PAX2: variants seen among roughly 807,000 people sequenced by gnomAD.
PAX2 encodes paired box 2, also known as paired box protein Pax-2.
Under a neutral mutation model 41.7 loss-of-function variants are expected in PAX2, and 9 were observed. That is an observed-to-expected ratio of 0.22 (90% CI 0.13 to 0.38). The LOEUF (loss-of-function observed/expected upper bound fraction) is 0.38. Ranked by LOEUF, PAX2 falls within the 10% of genes least tolerant of loss-of-function variation. The probability of loss-of-function intolerance (pLI) is 1.00; values close to 1 mark genes in which losing one functional copy is unlikely to be tolerated. For synonymous variants in PAX2, 221 were observed against 212.7 expected, an observed-to-expected ratio of 1.04 and a Z score of -0.34; for missense variants, 418 against 531.6, an observed-to-expected ratio of 0.79 and a Z score of 2.10.
intron 5 of PAX2, among the ~76,000 whole-genome samples, chr10:100,793,918 C>A (rs1249866921): frequency 6.6e-6 from 1 of 152,154 alleles, no homozygotes; most frequent in Admixed American, 6.5e-5. Context: ...AAGGCTGTTG[C>A]ACTCAGACAA....
At position 100,748,528 on chromosome 10, in the gene PAX2, C is replaced by G; in HGVS notation, c.44-1218C>G. On this transcript the variant is annotated intron_variant, in intron 1 of 9. Coordinates refer to ENST00000355243, the MANE Select transcript of PAX2 (RefSeq NM_000278.5). The surrounding 1 kb of genome is among the most constrained non-coding windows in gnomAD (Gnocchi z 5.0). ...GGGGCAGGGGCTGCAGCTTGCCAGTCCGGGCCGACCCGACTCGGCCGCTAG... is the reference window on the plus strand; with the variant it reads ...GGGGCAGGGGCTGCAGCTTGCCAGTGCGGGCCGACCCGACTCGGCCGCTAG... 7 of 985,362 alleles carry G rather than the reference C, an allele frequency of 7.1e-6. No homozygotes were observed. The highest frequency in any genetic ancestry group is 8.4e-6 in the Non-Finnish European group (7 of 829,912). 61.0% of individuals were successfully genotyped at this position (985,362 alleles called of 1,614,324 possible). A position where few individuals can be genotyped will look rare whatever the true frequency, so the allele number is the denominator to read the frequency against.
At chr10:100,746,338 G>A (rs1845172270) in intron 1 of PAX2, 35 bp downstream of exon 1, 5 of 1,468,242 alleles carry the variant, frequency 3.4e-6, no homozygotes, top group Non-Finnish European at 4.8e-6. Context: ...TCCCGGCTCG[G>A]GGCTCTCCGT....
At chr10:100,814,156 G>A (rs1307883990) in intron 7 of PAX2, among the ~76,000 whole-genome samples, 2 of 151,822 alleles carry the variant, frequency 1.3e-5, no homozygotes, top group African/African-American at 4.8e-5. Context: ...AGACCATCCT[G>A]GCTAACATGG....
intron 5 of PAX2, among the ~76,000 whole-genome samples, chr10:100,790,294 C>T (rs888337642): frequency 3.9e-5 from 6 of 152,150 alleles, no homozygotes; most frequent in Non-Finnish European, 8.8e-5. Flanking sequence ...TTGGGGTGGG[C>T]GGGTGTAGGT....
chr10:100,810,874 C>G (rs953598203), intron 7 of PAX2, among the ~76,000 whole-genome samples: 2 of 152,196 alleles, frequency 1.3e-5, no homozygotes, highest in South Asian at 4.1e-4. Flanking sequence ...CCCCATGGCC[C>G]TGGAACAGTC....
chr10:100,755,079 C>G, intron 3 of PAX2, among the ~76,000 whole-genome samples: 1 of 152,240 alleles, frequency 6.6e-6, no homozygotes, highest in East Asian at 1.9e-4. Context: ...CCTGTCCTTT[C>G]CCAGAGACAG....
intron 5 of PAX2, among the ~76,000 whole-genome samples, chr10:100,784,372 C>G (rs376950387): frequency 2.0e-5 from 3 of 152,130 alleles, no homozygotes; most frequent in Admixed American, 1.3e-4. Context: ...GGACTGAGCA[C>G]GCACATTAAA....
At chr10:100,744,473 C>T (rs1022207202), upstream of PAX2, among the ~76,000 whole-genome samples, 1 of 152,254 alleles carries the variant, frequency 6.6e-6, no homozygotes, top group Admixed American at 6.5e-5. Flanking sequence ...TGCGAGCGGA[C>T]CCCAGCGAGC....
At chr10:100,753,186 T>C (rs963048997) in intron 3 of PAX2, among the ~76,000 whole-genome samples, 10 of 152,220 alleles carry the variant, frequency 6.6e-5, no homozygotes, top group African/African-American at 2.4e-4. Context: ...TTAGGCTTCA[T>C]GGCTGGCTTT....
At chr10:100,741,999 G>A (rs1183347270), upstream of PAX2, among the ~76,000 whole-genome samples, 1 of 152,164 alleles carries the variant, frequency 6.6e-6, no homozygotes, top group African/African-American at 2.4e-5. Flanking sequence ...GGAGGGGCGC[G>A]GCTGGGATGC....
In PAX2 at chr10:100,806,498, C is replaced by A. The variant is rs76492282; in HGVS notation, c.685C>A (p.Arg229=). The A allele has an allele frequency of 1.2e-6, 2 of 1,614,200 alleles. No individual in the cohort carries two copies. Among genetic ancestry groups the A allele is most frequent in the Admixed American group, 1.7e-5 (1 of 60,028 alleles). ...SGVDSLRKHL[R]ADTFTQQQLE... is the part of the protein sequence containing the mutation. Reference sequence around the variant, plus strand: ...TGTGGACAGTTTGCGGAAGCACTTGCGAGCTGACACCTTCACCCAGCAGCA... The same window carrying A: ...TGTGGACAGTTTGCGGAAGCACTTGAGAGCTGACACCTTCACCCAGCAGCA... Residue 229 remains arginine (R), a synonymous_variant, in exon 6 of 10, where the codon CGA becomes AGA. Transcript: ENST00000355243.
intron 1 of PAX2, chr10:100,749,076 A>G (rs1228051433): frequency 1.7e-5 from 17 of 985,384 alleles, no homozygotes; most frequent in Non-Finnish European, 2.0e-5. Flanking sequence ...TAAGGAGGTG[A>G]AAGAGAGATA....
chr10:100,810,808 C>T (rs1847964269), intron 7 of PAX2, among the ~76,000 whole-genome samples: 1 of 152,186 alleles, frequency 6.6e-6, no homozygotes, highest in South Asian at 2.1e-4. Context: ...CCACAGGAGA[C>T]CCAGGGGCTG....
intron 3 of PAX2, among the ~76,000 whole-genome samples, chr10:100,757,809 C>G (rs1287574358): frequency 6.6e-6 from 1 of 150,860 alleles, no homozygotes; most frequent in Non-Finnish European, 1.5e-5. Flanking sequence ...ATGGCAGAGG[C>G]AGCCTCAGGT....
rs1415259316 is a variant in PAX2 at position 100,800,319 on chromosome 10, G to A, written c.617-6111G>A. On this transcript the variant is annotated intron_variant, in intron 5 of 9. Coordinates refer to ENST00000355243, the MANE Select transcript of PAX2 (RefSeq NM_000278.5). ...TTTTGAGACAGGGTCTCACTCTGTT[G>A]TCCAGGCTGAATGCAGTGGCACTAT... is the stretch of plus-strand genomic sequence containing the variant. Among the ~76,000 whole-genome samples, 13 of 104,488 alleles carry A rather than the reference G, an allele frequency of 1.2e-4. No individual in the cohort carries two copies. In the Admixed American group the frequency reaches 1.6e-3, roughly 13 times the overall value. 68.5% of individuals were successfully genotyped at this position (104,488 alleles called of 152,430 possible).
At chr10:100,780,059 T>A (rs1364775595) in intron 4 of PAX2, among the ~76,000 whole-genome samples, 1 of 152,112 alleles carries the variant, frequency 6.6e-6, no homozygotes, top group East Asian at 1.9e-4. Context: ...GCTCCTCTTC[T>A]TTTCTCCCTC....
intron 4 of PAX2, 74 bp from the exon 5 acceptor site, chr10:100,781,172 C>T: frequency 6.7e-7 from 1 of 1,494,392 alleles, no homozygotes; most frequent in African/African-American, 1.4e-5. Flanking sequence ...TGCCCCCCAG[C>T]CTTGGGGCTT....
chr10:100,762,397 G>T (rs1038667841), intron 3 of PAX2, among the ~76,000 whole-genome samples: 1 of 152,104 alleles, frequency 6.6e-6, no homozygotes, highest in Non-Finnish European at 1.5e-5. Flanking sequence ...ACGCCTGCAC[G>T]CACGCAGCCT....
intron 5 of PAX2, among the ~76,000 whole-genome samples, chr10:100,788,906 A>C (rs1337511620): frequency 6.6e-6 from 1 of 151,934 alleles, no homozygotes; most frequent in Non-Finnish European, 1.5e-5. Context: ...CGACACACAC[A>C]CATGCACACC....
Sources: gnomAD v4.1 joint callset for allele counts (sites outside exome capture counted in the v4.1 genomes callset) on GRCh38, gnomAD v4.1.1 for gene constraint, Gnocchi (gnomAD v3.1) non-coding constraint, MANE v1.5 for transcripts, NCBI Gene and HGNC (gene_info 2026-07-23, HGNC 2026-07-21) for gene names.